Variants in CYP19A1 observed in about 807,000 individuals in gnomAD.
CYP19A1 encodes cytochrome P450 family 19 subfamily A member 1.
A neutral mutation model predicts 44.4 loss-of-function variants in CYP19A1; 32 were observed. That is an observed-to-expected ratio of 0.72 (90% CI 0.54 to 0.97). The LOEUF is 0.97. CYP19A1 is among the 50% of genes least tolerant of loss of function. The pLI is 0.00. For synonymous variants in CYP19A1, 212 were observed against 215.6 expected, an observed-to-expected ratio of 0.98 and a Z score of 0.14; for missense variants, 598 against 637.8, an observed-to-expected ratio of 0.94 and a Z score of 0.67.
At chr15:51,247,523 G>A (rs1313277911) in intron 1 of CYP19A1, among the ~76,000 whole-genome samples, 1 of 152,028 alleles carries the variant, frequency 6.6e-6, no homozygotes, top group Non-Finnish European at 1.5e-5. Flanking sequence ...AGGCTGGCAT[G>A]CAGTGGTGAC....
intron 1 of CYP19A1, among the ~76,000 whole-genome samples, chr15:51,243,471 C>T (rs1324450400): frequency 6.6e-6 from 1 of 152,130 alleles, no homozygotes; most frequent in Non-Finnish European, 1.5e-5. Context: ...TCTTGGGCAT[C>T]GTTGAGGTCT....
At chr15:51,288,762 T>G (rs2035770667) in intron 1 of CYP19A1, among the ~76,000 whole-genome samples, 1 of 152,180 alleles carries the variant, frequency 6.6e-6, no homozygotes. Context: ...GCTCCTCTGG[T>G]GAGACACCCT....
chr15:51,268,555 G>A (rs2035015774), intron 1 of CYP19A1, among the ~76,000 whole-genome samples: 1 of 142,762 alleles, frequency 7.0e-6, no homozygotes, highest in South Asian at 2.2e-4. Flanking sequence ...TTTCAAGCAA[G>A]GCTATGATGG....
intron 1 of CYP19A1, among the ~76,000 whole-genome samples, chr15:51,282,957 G>GT (rs2035576817): frequency 6.6e-6 from 1 of 152,192 alleles, no homozygotes; most frequent in South Asian, 2.1e-4. Context: ...CGGTAAAGGA[G>GT]TTTTGCCCAT....
chr15:51,228,563 A>G (rs1595691963), intron 3 of CYP19A1, among the ~76,000 whole-genome samples: 2 of 152,288 alleles, frequency 1.3e-5, no homozygotes, highest in Admixed American at 1.3e-4. Flanking sequence ...ACTGGCATGC[A>G]AAGTTCACTG....
intron 1 of CYP19A1, among the ~76,000 whole-genome samples, chr15:51,250,274 C>G (rs534710169): frequency 6.6e-6 from 1 of 152,360 alleles, no homozygotes; most frequent in African/African-American, 2.4e-5. Context: ...AGGACCGTGG[C>G]TTTCTCACTC....
At chr15:51,218,778 C>T in intron 5 of CYP19A1, 123 bp from the exon 6 acceptor site, 1 of 1,507,076 alleles carries the variant, frequency 6.6e-7, no homozygotes, top group Non-Finnish European at 8.9e-7. Context: ...GGGTTCTAAG[C>T]TCAGCAAGAT....
intron 8 of CYP19A1, among the ~76,000 whole-genome samples, chr15:51,214,109 C>G (rs1224626918): frequency 6.6e-6 from 1 of 152,164 alleles, no homozygotes; most frequent in East Asian, 1.9e-4. Flanking sequence ...AAAGATGATG[C>G]CCTTCTACAA....
intron 1 of CYP19A1, among the ~76,000 whole-genome samples, chr15:51,332,823 T>C (rs188718040): frequency 3.7e-4 from 57 of 152,224 alleles, no homozygotes; most frequent in Non-Finnish European, 1.0e-4. Flanking sequence ...GAAGAGAAAG[T>C]TGATGCCCCC....
At chr15:51,289,845 T>A (rs1305329521) in intron 1 of CYP19A1, among the ~76,000 whole-genome samples, 2 of 151,216 alleles carry the variant, frequency 1.3e-5, no homozygotes, top group African/African-American at 4.9e-5. Flanking sequence ...TGCGGAAGAG[T>A]CTTCTTCCAG....
intron 1 of CYP19A1, chr15:51,278,791 A>C (rs1027221132): frequency 6.6e-6 from 1 of 152,186 alleles, no homozygotes; most frequent in Non-Finnish European, 1.5e-5. Flanking sequence ...CAATCGGTTA[A>C]GTAAGGTAAG....
chr15:51,289,881 A>G (rs2140986158), intron 1 of CYP19A1, among the ~76,000 whole-genome samples: 1 of 152,314 alleles, frequency 6.6e-6, no homozygotes, highest in South Asian at 2.1e-4. Flanking sequence ...CACAGCATTC[A>G]TGCTACCAGT....
chr15:51,222,528 G>T lies in CYP19A1; in HGVS notation c.452-3C>A. The T allele has an allele frequency of 6.2e-7, 1 of 1,611,938 alleles. No individual in the cohort carries two copies. ...AACAAGGCCGGGGCCTGACAGAGCT[G>T]CAGAGTACACATCAGAGAATCAGCC... On this transcript the variant is annotated splice_region_variant and splice_polypyrimidine_tract_variant and intron_variant, in intron 4 of 9. Transcript: ENST00000396402.
intron 1 of CYP19A1, chr15:51,312,563 C>A (rs992274482): frequency 2.0e-5 from 3 of 152,402 alleles, no homozygotes; most frequent in Admixed American, 6.5e-5. Flanking sequence ...GAACCAAAGT[C>A]CTGGGTAATG....
At chr15:51,334,113 T>G (rs2036742235) in intron 1 of CYP19A1, among the ~76,000 whole-genome samples, 1 of 152,234 alleles carries the variant, frequency 6.6e-6, no homozygotes, top group East Asian at 1.9e-4. Flanking sequence ...TTTTTAAGCC[T>G]TGGAGCCAAG....
At chr15:51,301,281 C>T (rs2036105775) in intron 1 of CYP19A1, among the ~76,000 whole-genome samples, 1 of 152,216 alleles carries the variant, frequency 6.6e-6, no homozygotes, top group South Asian at 2.1e-4. Context: ...ATTCTTTGTT[C>T]TCCTGTATGG....
At chr15:51,300,643 G>A (rs1328081470) in intron 1 of CYP19A1, among the ~76,000 whole-genome samples, 1 of 152,186 alleles carries the variant, frequency 6.6e-6, no homozygotes, top group African/African-American at 2.4e-5. Flanking sequence ...TGCAGCATGT[G>A]AGCAGTACCA....
intron 1 of CYP19A1, among the ~76,000 whole-genome samples, chr15:51,261,565 A>G (rs1000239266): frequency 6.6e-6 from 1 of 152,234 alleles, no homozygotes; most frequent in Non-Finnish European, 1.5e-5. Flanking sequence ...CTTCAAATGT[A>G]TGGGTTTTTT....
At chr15:51,257,981 C>T (rs2034576801) in intron 1 of CYP19A1, among the ~76,000 whole-genome samples, 1 of 152,178 alleles carries the variant, frequency 6.6e-6, no homozygotes, top group South Asian at 2.1e-4. Context: ...TTCTAAGCAC[C>T]TTTTAGCCAA....
Sources: gnomAD v4.1 joint callset for allele counts (sites outside exome capture counted in the v4.1 genomes callset) on GRCh38, gnomAD v4.1.1 for gene constraint, MANE v1.5 for transcripts, NCBI Gene and HGNC (gene_info 2026-07-23, HGNC 2026-07-21) for gene names.